Variants in CASP4 observed in about 807,000 individuals in gnomAD.
CASP4 encodes the protein caspase-4.
A neutral mutation model predicts 41.3 loss-of-function variants in CASP4; 29 were observed. The ratio of observed to expected loss-of-function variants is 0.70; its 90% confidence interval spans 0.52 to 0.96. CASP4 has a LOEUF of 0.96. Ranked by LOEUF, CASP4 falls within the 40% of genes least tolerant of loss-of-function variation. The pLI, the probability that CASP4 is intolerant of heterozygous loss-of-function variation, is 0.00. For missense variants in CASP4, 447 were observed against 460.6 expected (o/e 0.97, Z 0.27); for synonymous variants, 185 against 158.4 (o/e 1.17, Z -1.26).
chr11:104,949,721 G>A lies in CASP4; in HGVS notation c.603C>T (p.Asp201=). ...FATRPEHKSS[D]STFLVLMSHG... ...GAGACATGAGTACCAAGAATGTGCT[G>A]TCAGAGGACTTGTGCTCTGGTCTGG... Residue 201 remains aspartate, a synonymous_variant, in exon 5 of 9, where the codon GAC becomes GAT. Transcript: ENST00000444739. 6.2e-7 allele frequency: 1 copy of A among 1,613,956 alleles called. No homozygotes were observed. Among genetic ancestry groups the A allele is most frequent in the Non-Finnish European group, 8.5e-7 (1 of 1,179,906 alleles).
chr11:104,957,644 A>G (rs1860765907), intron 1 of CASP4, among the ~76,000 whole-genome samples: 1 of 152,174 alleles, frequency 6.6e-6, no homozygotes, highest in African/African-American at 2.4e-5. Flanking sequence ...AGACAAAAAT[A>G]AGTAGAAATG....
chr11:104,945,766 T>G (rs150305260), intron 7 of CASP4, among the ~76,000 whole-genome samples: 2 of 152,316 alleles, frequency 1.3e-5, no homozygotes, highest in African/African-American at 4.8e-5. Context: ...TTCCCAGATC[T>G]CTATTCACAG....
intron 6 of CASP4, 111 bp downstream of exon 6, chr11:104,948,422 G>T: frequency 9.1e-7 from 1 of 1,096,070 alleles, no homozygotes; most frequent in Non-Finnish European, 1.3e-6. Context: ...TATGTGGAGA[G>T]CACACAACAT....
chr11:104,963,062 G>A (rs930821878), intron 1 of CASP4, among the ~76,000 whole-genome samples: 11 of 152,178 alleles, frequency 7.2e-5, no homozygotes, highest in African/African-American at 2.7e-4. Flanking sequence ...AATGTTGGCC[G>A]CATGGCTAAA....
chr11:104,952,045 C>T (rs1372059220), intron 2 of CASP4, 40 bp from the exon 3 acceptor site: 4 of 1,247,294 alleles, frequency 3.2e-6, no homozygotes, highest in Non-Finnish European at 3.5e-6. Context: ...ATTTCTGCCT[C>T]TGTGACCCAA....
intron 4 of CASP4, 135 bp from the exon 5 acceptor site, chr11:104,949,912 T>C (rs1254153080): frequency 1.3e-6 from 1 of 762,948 alleles, no homozygotes; most frequent in Non-Finnish European, 2.1e-6. Context: ...TACTCAGTCA[T>C]GACAGCTGTT....
chr11:104,957,419 A>G (rs1860760866), intron 1 of CASP4, among the ~76,000 whole-genome samples: 1 of 152,174 alleles, frequency 6.6e-6, no homozygotes, highest in African/African-American at 2.4e-5. Context: ...AGAAATTTAA[A>G]AAGTTGGCTG....
Position 104,944,729 on chromosome 11 carries a change from A to G in CASP4, c.*5+19T>C, listed in dbSNP as rs370296577. 2.1e-6 allele frequency: 3 copies of G among 1,454,560 alleles called. No homozygotes were observed. The highest frequency in any genetic ancestry group is 2.8e-5 in the African/African-American group (2 of 71,610). 90.1% of individuals were successfully genotyped at this position (1,454,560 alleles called of 1,614,324 possible). ...CTCTTATTTATTTCACATACCACCA[A>G]CAACTCTCAATACTTAACCATTTTC... On this transcript the variant is annotated intron_variant, in intron 8 of 8. Transcript: ENST00000444739.
chr11:104,961,951 C>G (rs1027755365), intron 1 of CASP4, among the ~76,000 whole-genome samples: 17 of 152,166 alleles, frequency 1.1e-4, no homozygotes, highest in Non-Finnish European at 1.0e-4. Flanking sequence ...GAGGTCGTCC[C>G]TCCCCACCTG....
At chr11:104,965,570 A>G (rs547814069) in intron 1 of CASP4, among the ~76,000 whole-genome samples, 10 of 152,230 alleles carry the variant, frequency 6.6e-5, no homozygotes, top group Non-Finnish European at 1.5e-4. Flanking sequence ...TCTTGCTTCT[A>G]TCCCTTAAGC....
At chr11:104,964,281 A>T (rs1414244272) in intron 1 of CASP4, among the ~76,000 whole-genome samples, 1 of 152,176 alleles carries the variant, frequency 6.6e-6, no homozygotes, top group African/African-American at 2.4e-5. Flanking sequence ...GAGGAAAAAA[A>T]CAAAACTTCC....
At chr11:104,966,108 C>T (rs537012024) in intron 1 of CASP4, among the ~76,000 whole-genome samples, 14 of 152,288 alleles carry the variant, frequency 9.2e-5, no homozygotes, top group African/African-American at 2.6e-4. Context: ...CTACCCTCTC[C>T]AGAACAGCCG....
chr11:104,966,256 A>G (rs902473868), intron 1 of CASP4, among the ~76,000 whole-genome samples: 1 of 152,134 alleles, frequency 6.6e-6, no homozygotes, highest in Non-Finnish European at 1.5e-5. Flanking sequence ...ATTTCATTTA[A>G]TAGATGATAG....
intron 1 of CASP4, among the ~76,000 whole-genome samples, chr11:104,960,903 G>C (rs1860843925): frequency 6.6e-6 from 1 of 152,096 alleles, no homozygotes; most frequent in South Asian, 2.1e-4. Context: ...CTTTTTACTA[G>C]TTATTTACTG....
intron 1 of CASP4, among the ~76,000 whole-genome samples, chr11:104,956,421 A>G (rs1163441732): frequency 6.6e-6 from 1 of 152,122 alleles, no homozygotes; most frequent in Non-Finnish European, 1.5e-5. Context: ...CTGAAATTTC[A>G]CAAAAATTCC....
intron 1 of CASP4, among the ~76,000 whole-genome samples, chr11:104,957,369 A>C (rs56126979): frequency 0.18 from 27,921 of 152,088 alleles, 3,110 homozygotes; most frequent in African/African-American, 0.31. Flanking sequence ...AAAAGTATAA[A>C]ACTTCAACCC....
At chr11:104,963,495 T>C (rs967866710) in intron 1 of CASP4, among the ~76,000 whole-genome samples, 7 of 152,246 alleles carry the variant, frequency 4.6e-5, no homozygotes, top group Admixed American at 1.3e-4. Flanking sequence ...TCTGACAGTT[T>C]GAATTTTGGG....
chr11:104,952,488 A>G (rs941893408), intron 2 of CASP4, among the ~76,000 whole-genome samples: 3 of 152,102 alleles, frequency 2.0e-5, no homozygotes, highest in African/African-American at 7.2e-5. Flanking sequence ...TTCTAATAAC[A>G]TTTATTTAAC....
In CASP4 at chr11:104,948,598, T is replaced by C; in HGVS notation, c.860A>G (p.Glu287Gly). 6.2e-7 allele frequency: 1 copy of C among 1,611,756 alleles called. No homozygotes were observed. Among genetic ancestry groups the C allele is most frequent in the African/African-American group, 1.3e-5 (1 of 74,968 alleles). ...VASSQSSENL[E>G]EDAVYKTHVE... is the part of the protein sequence containing the mutation. ...GTGGGTCTTGTAAACAGCATCTTCC[T>C]CTAGGTTCTCAGATGACTGTGAAGA... The change falls in exon 6 of 9, where the codon GAG (glutamate) becomes GGG (glycine). Residue 287 changes from glutamate (E) to glycine (G), a missense_variant. Coordinates refer to ENST00000444739, the MANE Select transcript of CASP4 (RefSeq NM_001225.4).
Sources: gnomAD v4.1 joint callset for allele counts (sites outside exome capture counted in the v4.1 genomes callset) on GRCh38, gnomAD v4.1.1 for gene constraint, MANE v1.5 for transcripts, NCBI Gene and HGNC (gene_info 2026-07-23, HGNC 2026-07-21) for gene names.